Variants in LCLAT1 observed in about 807,000 individuals in gnomAD.
LCLAT1 encodes 1-AGP acyltransferase 8.
In LCLAT1, 11 loss-of-function variants were observed where a neutral mutation model predicts 30.7. The ratio of observed to expected loss-of-function variants is 0.36; its 90% CI spans 0.23 to 0.59. The LOEUF (loss-of-function observed/expected upper bound fraction) is 0.59. Ranked by LOEUF, LCLAT1 falls within the 20% of genes least tolerant of loss-of-function variation. The pLI, the probability that LCLAT1 is intolerant of heterozygous loss-of-function variation, is 0.77. For synonymous variants in LCLAT1, 155 were observed against 151.3 expected (o/e 1.02, Z -0.18); for missense variants, 402 against 458.6 (o/e 0.88, Z 1.13).
chr2:30,586,480 T>A (rs962430877), intron 5 of LCLAT1, among the ~76,000 whole-genome samples: 1 of 152,178 alleles, frequency 6.6e-6, no homozygotes, highest in Non-Finnish European at 1.5e-5. Context: ...ACTTCCCACT[T>A]CTTTTAAGGA....
At chr2:30,495,850 G>A (rs563327100) in intron 1 of LCLAT1, among the ~76,000 whole-genome samples, 1 of 152,122 alleles carries the variant, frequency 6.6e-6, no homozygotes, top group Admixed American at 6.6e-5. Context: ...TTTTGATGAG[G>A]TAGGTGGTTA....
chr2:30,624,620 C>T (rs370442754), intron 5 of LCLAT1, among the ~76,000 whole-genome samples: 1 of 152,136 alleles, frequency 6.6e-6, no homozygotes, highest in South Asian at 2.1e-4. Flanking sequence ...ATTTGTAGAA[C>T]AATTACTACT....
At chr2:30,638,947 A>G (rs1339863710) in intron 5 of LCLAT1, among the ~76,000 whole-genome samples, 3 of 151,958 alleles carry the variant, frequency 2.0e-5, no homozygotes, top group African/African-American at 7.3e-5. Context: ...AGTAGCCATC[A>G]AACTATTCTA....
intron 5 of LCLAT1, among the ~76,000 whole-genome samples, chr2:30,586,867 C>T (rs979209699): frequency 1.3e-5 from 2 of 152,190 alleles, no homozygotes; most frequent in East Asian, 1.9e-4. Context: ...TGCAACTACA[C>T]GGACACTTTT....
At chr2:30,631,951 T>C (rs1204975044) in intron 5 of LCLAT1, among the ~76,000 whole-genome samples, 5 of 152,196 alleles carry the variant, frequency 3.3e-5, no homozygotes, top group Non-Finnish European at 7.3e-5. Flanking sequence ...AAGTCAAATT[T>C]TGGAACATGT....
At chr2:30,464,105 C>A (rs776170865) in intron 1 of LCLAT1, among the ~76,000 whole-genome samples, 1 of 152,108 alleles carries the variant, frequency 6.6e-6, no homozygotes, top group Non-Finnish European at 1.5e-5. Context: ...CCTTATTTTC[C>A]TATGCCCTCA....
chr2:30,496,300 C>T (rs530882361), intron 1 of LCLAT1, among the ~76,000 whole-genome samples: 5 of 152,242 alleles, frequency 3.3e-5, no homozygotes, highest in African/African-American at 1.2e-4. Flanking sequence ...ATATCTGAAT[C>T]CCTCTTTCTG....
At chr2:30,635,995 C>G (rs1317531206) in intron 5 of LCLAT1, among the ~76,000 whole-genome samples, 1 of 152,072 alleles carries the variant, frequency 6.6e-6, no homozygotes, top group African/African-American at 2.4e-5. Context: ...CTAGTAAGGG[C>G]ACAGGATGGC....
intron 5 of LCLAT1, chr2:30,607,923 TA>T (rs1200563066): frequency 6.1e-6 from 1 of 164,052 alleles, no homozygotes; most frequent in African/African-American, 2.4e-5. Context: ...CAGTTTTTTT[TA>T]AAAAAGTTTT....
intron 5 of LCLAT1, among the ~76,000 whole-genome samples, chr2:30,613,273 T>C (rs779267855): frequency 3.3e-5 from 5 of 152,028 alleles, no homozygotes; most frequent in Non-Finnish European, 5.9e-5. Flanking sequence ...GGGGAGGGGT[T>C]ATAAGATTGT....
In LCLAT1 at chr2:30,643,808, T is replaced by A. The variant is rs919720679; in HGVS notation, c.*3189T>A. The A allele has an allele frequency of 4.6e-5, 7 of 152,652 alleles. No individual in the cohort carries two copies. The highest frequency in any genetic ancestry group is 1.0e-4 in the Non-Finnish European group (7 of 68,050). The allele number at this position is 152,652 out of a possible 1,614,324, so 9.5% of individuals were successfully genotyped here. Reference sequence around the variant, plus strand: ...GTTTCTTGTTCCAAGGATTCTGTAGTATGTAGTGTGTTTCTTAGGTAAAGT... The same window carrying A: ...GTTTCTTGTTCCAAGGATTCTGTAGAATGTAGTGTGTTTCTTAGGTAAAGT... On this transcript the variant is annotated 3_prime_UTR_variant, in exon 6 of 6. Coordinates refer to ENST00000379509, the MANE Select transcript of LCLAT1 (RefSeq NM_001002257.3).
intron 1 of LCLAT1, among the ~76,000 whole-genome samples, chr2:30,480,025 A>G (rs983755449): frequency 1.3e-5 from 2 of 152,222 alleles, no homozygotes; most frequent in Non-Finnish European, 2.9e-5. Context: ...GTATCTCATT[A>G]CATCATAGAG....
intron 1 of LCLAT1, among the ~76,000 whole-genome samples, chr2:30,476,242 T>C (rs1200419509): frequency 1.3e-5 from 2 of 152,222 alleles, no homozygotes; most frequent in Non-Finnish European, 2.9e-5. Flanking sequence ...GCTACCACTT[T>C]TAGTCCAATT....
intron 1 of LCLAT1, among the ~76,000 whole-genome samples, chr2:30,469,502 G>T (rs186059481): frequency 4.0e-4 from 60 of 150,522 alleles, no homozygotes; most frequent in Non-Finnish European, 6.5e-4. Context: ...TTGCACCCTC[G>T]TTGAAAATCA....
At chr2:30,587,174 T>G (rs1303817958) in intron 5 of LCLAT1, among the ~76,000 whole-genome samples, 1 of 152,188 alleles carries the variant, frequency 6.6e-6, no homozygotes, top group Admixed American at 6.5e-5. Context: ...GAGACCAGCT[T>G]AGGGAGAACT....
At chr2:30,483,421 T>C (rs910962974) in intron 1 of LCLAT1, among the ~76,000 whole-genome samples, 1 of 152,208 alleles carries the variant, frequency 6.6e-6, no homozygotes, top group Non-Finnish European at 1.5e-5. Flanking sequence ...AAATACAACC[T>C]GCCACGCTTA....
intron 5 of LCLAT1, among the ~76,000 whole-genome samples, chr2:30,622,851 GAGA>G (rs907870408): frequency 6.6e-6 from 1 of 152,100 alleles, no homozygotes; most frequent in Non-Finnish European, 1.5e-5. Flanking sequence ...CTATCCAAAT[GAGA>G]AGGAGCCAGA....
At chr2:30,450,194 C>G (rs1662944) in intron 1 of LCLAT1, among the ~76,000 whole-genome samples, 33,858 of 152,106 alleles carry the variant, frequency 0.22, 3,856 homozygotes, top group East Asian at 0.35. Flanking sequence ...GGTACAGAGA[C>G]CTGTGAGAGC....
At chr2:30,591,372 TTA>T (rs1324448357) in intron 5 of LCLAT1, among the ~76,000 whole-genome samples, 1 of 152,106 alleles carries the variant, frequency 6.6e-6, no homozygotes, top group African/African-American at 2.4e-5. Context: ...ATCACCAAAA[TTA>T]TTACTAATGA....
Sources: gnomAD v4.1 joint callset for allele counts (sites outside exome capture counted in the v4.1 genomes callset) on GRCh38, gnomAD v4.1.1 for gene constraint, MANE v1.5 for transcripts, NCBI Gene and HGNC (gene_info 2026-07-23, HGNC 2026-07-21) for gene names.